The following PTPRG variants were observed in gnomAD, a reference collection of about 807,000 sequenced individuals.
PTPRG encodes the protein receptor-type tyrosine-protein phosphatase gamma.
A neutral mutation model predicts 165.3 loss-of-function variants in PTPRG; 102 were observed. The observed-to-expected ratio is 0.62, with a 90% CI of 0.53 to 0.73. PTPRG has a LOEUF of 0.73. Ranked by LOEUF, PTPRG falls within the 30% of genes least tolerant of loss-of-function variation. PTPRG has a pLI of 0.00. For synonymous variants in PTPRG, 675 were observed against 669.5 expected (o/e 1.01, Z -0.13); for missense variants, 1,866 against 1,861.4 (o/e 1.00, Z -0.05).
intron 8 of PTPRG, among the ~76,000 whole-genome samples, chr3:62,189,316 C>T (rs905132479): frequency 6.6e-6 from 1 of 152,182 alleles, no homozygotes; most frequent in African/African-American, 2.4e-5. Context: ...CTCCACCGGC[C>T]AGGTCCTCAA....
chr3:62,093,384 T>C (rs1702007800), intron 5 of PTPRG, among the ~76,000 whole-genome samples: 1 of 152,232 alleles, frequency 6.6e-6, no homozygotes, highest in African/African-American at 2.4e-5. Context: ...TCTCTTCTCA[T>C]TTTATAGTGA....
chr3:61,687,396 A>T (rs1408152715), intron 1 of PTPRG, among the ~76,000 whole-genome samples: 1 of 152,220 alleles, frequency 6.6e-6, no homozygotes, highest in Non-Finnish European at 1.5e-5. Flanking sequence ...AACACTGGTT[A>T]ATGATTCTTC....
chr3:61,826,702 T>C lies in PTPRG; in HGVS notation c.190+77720T>C, dbSNP rs565430270. On this transcript the variant is annotated intron_variant, in intron 2 of 29. Transcript: ENST00000474889. ...TGCTTCTTACTCTACCAAGTACTTT[T>C]TACACCTCCCTTTATAGCCCTTTTT... 4.9e-4 allele frequency among the ~76,000 whole-genome samples: 74 copies of C among 152,322 alleles called. 1 individual carries two copies. In the South Asian group the frequency reaches 0.015, roughly 30 times the overall value.
At position 61,562,386 on chromosome 3, in the gene PTPRG, G is replaced by T. The variant is rs375806986; in HGVS notation, c.85+14G>T. On this transcript the variant is annotated intron_variant, in intron 1 of 29. Transcript: ENST00000474889. ...TGTGCTTCCCCGGTGAGTGCCGGCC[G>T]CCGAGGGGATGCGGCCCCGGCCGGC... The T allele has an allele frequency of 6.2e-7, 1 of 1,612,596 alleles. No individual in the cohort carries two copies. Among genetic ancestry groups the T allele is most frequent in the African/African-American group, 1.3e-5 (1 of 75,010 alleles).
chr3:61,648,301 T>C (rs992857509), intron 1 of PTPRG, among the ~76,000 whole-genome samples: 1 of 152,234 alleles, frequency 6.6e-6, no homozygotes, highest in Non-Finnish European at 1.5e-5. Context: ...TTAGTTGGAC[T>C]TAGCAGCACC....
intron 13 of PTPRG, among the ~76,000 whole-genome samples, chr3:62,230,597 A>AT (rs539065354): frequency 1.4e-3 from 216 of 152,344 alleles, no homozygotes; most frequent in Non-Finnish European, 2.4e-3. Context: ...TGCTACAGTT[A>AT]TTTAAGTTTT....
intron 4 of PTPRG, among the ~76,000 whole-genome samples, chr3:62,008,412 T>C (rs751078164): frequency 7.2e-5 from 11 of 152,212 alleles, no homozygotes; most frequent in Admixed American, 2.6e-4. Flanking sequence ...TCCAAATTGA[T>C]TGTATGTGCC....
intron 7 of PTPRG, 65 bp downstream of exon 7, chr3:62,157,289 C>A: frequency 6.5e-7 from 1 of 1,530,380 alleles, no homozygotes; most frequent in Non-Finnish European, 9.0e-7. Flanking sequence ...AACGATCCAG[C>A]ATGGCTAGAG....
intron 1 of PTPRG, among the ~76,000 whole-genome samples, chr3:61,736,855 C>G (rs986829403): frequency 6.6e-6 from 1 of 152,180 alleles, no homozygotes; most frequent in African/African-American, 2.4e-5. Flanking sequence ...ATGGTTTATG[C>G]AAGTCTGTAA....
At chr3:62,126,838 C>T (rs1022609509) in intron 5 of PTPRG, among the ~76,000 whole-genome samples, 25 of 152,166 alleles carry the variant, frequency 1.6e-4, no homozygotes, top group South Asian at 6.2e-4. Flanking sequence ...TATTCCTCTC[C>T]GACTTATTTC....
At chr3:62,147,807 T>C (rs1704178820) in intron 6 of PTPRG, among the ~76,000 whole-genome samples, 1 of 152,190 alleles carries the variant, frequency 6.6e-6, no homozygotes, top group South Asian at 2.1e-4. Flanking sequence ...ATCAAGCTGT[T>C]GTGGCAGACA....
At chr3:62,234,616 T>C (rs528394541) in intron 14 of PTPRG, among the ~76,000 whole-genome samples, 1 of 152,296 alleles carries the variant, frequency 6.6e-6, no homozygotes, top group Non-Finnish European at 1.5e-5. Context: ...GTAAACTGTT[T>C]ATATCTTTTG....
chr3:62,064,246 T>G (rs1041283761), intron 4 of PTPRG, among the ~76,000 whole-genome samples: 12 of 152,210 alleles, frequency 7.9e-5, no homozygotes, highest in Admixed American at 3.9e-4. Flanking sequence ...AAACTACTGT[T>G]AGTTTGTGCT....
intron 8 of PTPRG, among the ~76,000 whole-genome samples, chr3:62,181,844 A>G (rs1705664712): frequency 6.6e-6 from 1 of 152,210 alleles, no homozygotes; most frequent in African/African-American, 2.4e-5. Flanking sequence ...ATGTTGATAT[A>G]ATGATGAACA....
chr3:61,860,845 G>A (rs184814565), intron 2 of PTPRG, among the ~76,000 whole-genome samples: 22 of 152,148 alleles, frequency 1.4e-4, no homozygotes, highest in African/African-American at 5.3e-4. Context: ...GGGTGTGTGT[G>A]TATTAAGTTC....
chr3:61,862,299 G>A (rs991898423), intron 2 of PTPRG, among the ~76,000 whole-genome samples: 19 of 151,876 alleles, frequency 1.3e-4, no homozygotes, highest in African/African-American at 4.4e-4. Flanking sequence ...TTTGGAAGTT[G>A]TCATGTAGTG....
At position 62,081,652 on chromosome 3, in the gene PTPRG, C is replaced by A. The variant is rs553998678; in HGVS notation, c.615+3394C>A. On this transcript the variant is annotated intron_variant, in intron 5 of 29. Coordinates refer to ENST00000474889, the MANE Select transcript of PTPRG (RefSeq NM_002841.4). ...CAGCCACTGCGCCCGGCCCCTTTGTCTTTCTTGTAAGCACACACGTGCTTA... is the reference window on the plus strand; with the variant it reads ...CAGCCACTGCGCCCGGCCCCTTTGTATTTCTTGTAAGCACACACGTGCTTA... 1.2e-3 allele frequency among the ~76,000 whole-genome samples: 181 copies of A among 152,312 alleles called. 1 individual carries two copies. Among genetic ancestry groups the A allele is most frequent in the African/African-American group, 4.2e-3 (173 of 41,566 alleles).
rs1045085660 is a variant in PTPRG, at chr3:61,748,940, C to T, written c.148C>T (p.Arg50Cys). The change falls in exon 2 of 30, where the codon CGC becomes TGC. Residue 50 changes from arginine to cysteine, a missense_variant. By Grantham distance (180) the Arg-to-Cys change is radical. Coordinates refer to ENST00000474889, the MANE Select transcript of PTPRG (RefSeq NM_002841.4). ...ENRHGSAVQI[R>C]RRKASGDPYW... ...TAGACACGGCAGCGCAGTGCAGATC[C>T]GCAGGCGCAAGGCTTCAGGCGACCC... 4 of 1,612,032 alleles carry T rather than the reference C, an allele frequency of 2.5e-6. No individual in the cohort carries two copies. The highest frequency in any genetic ancestry group is 3.4e-6 in the Non-Finnish European group (4 of 1,179,178).
chr3:62,008,620 C>T (rs1383860362), intron 4 of PTPRG, among the ~76,000 whole-genome samples: 2 of 152,186 alleles, frequency 1.3e-5, no homozygotes, highest in African/African-American at 4.8e-5. Context: ...TATTATAGCC[C>T]AGCGGTCCCC....
Sources: allele counts gnomAD v4.1 joint callset (sites outside exome capture counted in the v4.1 genomes callset), GRCh38; gene constraint gnomAD v4.1.1; transcripts MANE v1.5; gene names NCBI Gene and HGNC (gene_info 2026-07-23, HGNC 2026-07-21).